PPIL4: variants seen among roughly 807,000 people sequenced by gnomAD.
PPIL4 encodes peptidyl-prolyl cis-trans isomerase-like 4.
PPIL4 carries 50 observed loss-of-function variants against 69.1 expected under a neutral mutation model. The observed-to-expected ratio is 0.72, with a 90% CI of 0.58 to 0.92. The LOEUF (loss-of-function observed/expected upper bound fraction) is 0.92, where lower values mean the gene tolerates loss of function less well. Among genes scored for constraint, PPIL4 ranks in the 40% least tolerant of loss-of-function variants. The probability of loss-of-function intolerance (pLI) is 0.00; values close to 1 mark genes in which losing one functional copy is unlikely to be tolerated. For synonymous variants in PPIL4, 193 were observed against 191.6 expected, an observed-to-expected ratio of 1.01 and a Z score of -0.06; for missense variants, 480 against 587.9, an observed-to-expected ratio of 0.82 and a Z score of 1.90.
At chr6:149,512,119 T>G (rs944363209) in intron 12 of PPIL4, 36 bp downstream of exon 12, 1 of 1,503,364 alleles carries the variant, frequency 6.7e-7, no homozygotes, top group Non-Finnish European at 9.0e-7. Context: ...ATAAAATATT[T>G]ATTTCTCCAC....
chr6:149,546,000 C>T lies in PPIL4; in HGVS notation c.6G>A (p.Ala2=). Residue 2 remains alanine (A), a synonymous_variant, in exon 1 of 13, where the codon GCG becomes GCA. Transcript: ENST00000253329. M[A]VLLETTLGDV... ...CGCCTAAAGTGGTCTCCAGTAGAAC[C>T]GCCATGGCGCCCGCTCCTCCTCCGC... The T allele has an allele frequency of 3.8e-6, 6 of 1,578,148 alleles. No individual in the cohort carries two copies. The highest frequency in any genetic ancestry group is 5.2e-6 in the Non-Finnish European group (6 of 1,159,674).
At chr6:149,517,631 T>C (rs1313290314) in intron 10 of PPIL4, 181 bp from the exon 11 acceptor site, 2 of 473,824 alleles carry the variant, frequency 4.2e-6, no homozygotes, top group Non-Finnish European at 7.4e-6. Context: ...AGACATCCAT[T>C]TTTGCTAGGT....
intron 7 of PPIL4, among the ~76,000 whole-genome samples, chr6:149,532,626 A>G (rs922749815): frequency 8.5e-5 from 13 of 152,186 alleles, no homozygotes; most frequent in Non-Finnish European, 1.9e-4. Context: ...AGCCTGGCCA[A>G]CATAGGGAGA....
chr6:149,524,833 G>T (rs182647994), intron 9 of PPIL4, among the ~76,000 whole-genome samples: 3 of 151,982 alleles, frequency 2.0e-5, no homozygotes, highest in African/African-American at 7.3e-5. Flanking sequence ...ACCAGGAGGC[G>T]GAGGCTGCAG....
chr6:149,545,107 G>C (rs1777420206), intron 1 of PPIL4, among the ~76,000 whole-genome samples: 2 of 152,092 alleles, frequency 1.3e-5, no homozygotes, highest in South Asian at 4.1e-4. Context: ...GACCACACTC[G>C]AGTCTACCAT....
At chr6:149,525,058 A>G (rs768187147) in intron 9 of PPIL4, 85 bp downstream of exon 9, 57 of 682,856 alleles carry the variant, frequency 8.3e-5, no homozygotes, top group Non-Finnish European at 1.3e-4. Flanking sequence ...AACTCTAGAA[A>G]CTAGAAAAAG....
intron 7 of PPIL4, among the ~76,000 whole-genome samples, chr6:149,529,226 TAA>T (rs1203329268): frequency 7.6e-6 from 1 of 132,146 alleles, no homozygotes. Context: ...AGACTTTCTC[TAA>T]AAAAAAAAAA....
chr6:149,515,179 G>A (rs889645852), intron 11 of PPIL4, among the ~76,000 whole-genome samples: 2 of 147,508 alleles, frequency 1.4e-5, no homozygotes, highest in Admixed American at 6.8e-5. Context: ...TGGAGACCGG[G>A]TCTCGCTATA....
In PPIL4 at chr6:149,533,593, C is replaced by T. The variant is rs1186085503; in HGVS notation, c.562-19G>A. ...GACCACTCTGTTAAGACAGAAGTTA[C>T]TCATGTATATATTTAAAGAATAAAA... On this transcript the variant is annotated intron_variant, in intron 6 of 12. Coordinates refer to ENST00000253329, the MANE Select transcript of PPIL4 (RefSeq NM_139126.4). The T allele has an allele frequency of 7.3e-7, 1 of 1,364,434 alleles. No individual in the cohort carries two copies. The highest frequency in any genetic ancestry group is 1.2e-5 in the South Asian group (1 of 83,006). The allele number at this position is 1,364,434 out of a possible 1,614,324, so 84.5% of individuals were successfully genotyped here.
intron 4 of PPIL4, among the ~76,000 whole-genome samples, chr6:149,536,816 AAGTGCTGACAC>A (rs1331481243): frequency 6.6e-5 from 10 of 152,088 alleles, no homozygotes; most frequent in African/African-American, 2.4e-4. Context: ...GTGAAGCAGC[AAGTGCTGACAC>A]AGAAGCTACA....
At chr6:149,543,476 A>G (rs1777394324) in intron 1 of PPIL4, among the ~76,000 whole-genome samples, 1 of 152,242 alleles carries the variant, frequency 6.6e-6, no homozygotes, top group South Asian at 2.1e-4. Context: ...CCTAATTTAA[A>G]TCACCATATT....
intron 9 of PPIL4, among the ~76,000 whole-genome samples, chr6:149,524,857 C>T (rs750888507): frequency 1.9e-4 from 29 of 151,540 alleles, no homozygotes; most frequent in Non-Finnish European, 3.1e-4. Context: ...GTCGAGACTG[C>T]GCCACTGCAC....
chr6:149,509,160 A>T (rs1196698409), intron 12 of PPIL4, among the ~76,000 whole-genome samples: 2 of 152,166 alleles, frequency 1.3e-5, no homozygotes, highest in African/African-American at 4.8e-5. Flanking sequence ...GAATTTAATA[A>T]TTTTATAGTT....
chr6:149,511,487 C>A (rs1776841416), intron 12 of PPIL4, among the ~76,000 whole-genome samples: 1 of 151,886 alleles, frequency 6.6e-6, no homozygotes, highest in East Asian at 1.9e-4. Flanking sequence ...GTTGCCCAGG[C>A]TGGTCTCCAA....
At chr6:149,534,600 CTT>C in intron 6 of PPIL4, 76 bp downstream of exon 6, 10 of 770,272 alleles carry the variant, frequency 1.3e-5, no homozygotes, top group Non-Finnish European at 1.9e-5. Context: ...AAAAAATTAA[CTT>C]TAACAGATGA....
rs200903179 is a variant in PPIL4 at position 149,505,545 on chromosome 6, T to C, written c.1387A>G (p.Thr463Ala). The C allele has an allele frequency of 1.4e-5, 22 of 1,614,102 alleles. No homozygotes were observed. Among genetic ancestry groups the C allele is most frequent in the Non-Finnish European group, 1.8e-5 (21 of 1,180,008 alleles). Reference sequence around the variant, plus strand: ...CTCCTTTCTCTTTCATAAAGATCTGTTTGGTATTTTGATTTATGACTATTA... The same window carrying C: ...CTCCTTTCTCTTTCATAAAGATCTGCTTGGTATTTTGATTTATGACTATTA... ...YSNSHKSKYQTDLYERERSKK... is the reference protein window; with the variant it reads ...YSNSHKSKYQADLYERERSKK... The change falls in exon 13 of 13, where the codon ACA becomes GCA. Residue 463 changes from threonine to alanine, a missense_variant. Coordinates refer to ENST00000253329, the MANE Select transcript of PPIL4 (RefSeq NM_139126.4).
At chr6:149,513,412 AATAT>A (rs1200919281) in intron 11 of PPIL4, among the ~76,000 whole-genome samples, 14,042 of 54,574 alleles carry the variant, frequency 0.26, 2,517 homozygotes, top group Non-Finnish European at 0.33. Flanking sequence ...AAAAAAAAAA[AATAT>A]ATATATATAT....
At chr6:149,540,876 A>G in intron 4 of PPIL4, 66 bp downstream of exon 4, 2 of 984,202 alleles carry the variant, frequency 2.0e-6, no homozygotes, top group Non-Finnish European at 3.1e-6. Context: ...TTTAAAAAAT[A>G]ACTCTGTGGG....
chr6:149,545,089 G>A (rs1777419071), intron 1 of PPIL4, among the ~76,000 whole-genome samples: 1 of 152,144 alleles, frequency 6.6e-6, no homozygotes, highest in Admixed American at 6.5e-5. Flanking sequence ...ACTGACCTAG[G>A]CGTATCTGAC....
Sources: gnomAD v4.1 joint callset for allele counts (sites outside exome capture counted in the v4.1 genomes callset) on GRCh38, gnomAD v4.1.1 for gene constraint, MANE v1.5 for transcripts, NCBI Gene and HGNC (gene_info 2026-07-23, HGNC 2026-07-21) for gene names.